The following ARHGAP24 variants were observed in gnomAD, a reference collection of about 807,000 sequenced individuals.
ARHGAP24 encodes rho GTPase-activating protein 24.
In ARHGAP24, 50 loss-of-function variants were observed where a neutral mutation model predicts 76.4. That is an observed-to-expected ratio of 0.65 (90% CI 0.52 to 0.83). The LOEUF (loss-of-function observed/expected upper bound fraction) is 0.83, where lower values mean the gene tolerates loss of function less well. ARHGAP24 is among the 40% of genes least tolerant of loss of function. The pLI, the probability that ARHGAP24 is intolerant of heterozygous loss-of-function variation, is 0.00. For missense variants in ARHGAP24, 930 were observed against 914.2 expected, an observed-to-expected ratio of 1.02 and a Z score of -0.22; for synonymous variants, 345 against 323.3, an observed-to-expected ratio of 1.07 and a Z score of -0.72.
chr4:85,650,997 G>A (rs1452925191), intron 2 of ARHGAP24, among the ~76,000 whole-genome samples: 1 of 149,402 alleles, frequency 6.7e-6, no homozygotes, highest in African/African-American at 2.6e-5. Context: ...GTTTAGATTG[G>A]GTGACTATGG....
intron 3 of ARHGAP24, among the ~76,000 whole-genome samples, chr4:85,915,089 A>G (rs1735304405): frequency 6.6e-6 from 1 of 152,208 alleles, no homozygotes; most frequent in South Asian, 2.1e-4. Context: ...ACTGTGAAGG[A>G]AGTAACTAGA....
intron 1 of ARHGAP24, among the ~76,000 whole-genome samples, chr4:85,490,510 C>T (rs909954018): frequency 1.3e-5 from 2 of 152,166 alleles, no homozygotes; most frequent in African/African-American, 4.8e-5. Context: ...TTACAATTCT[C>T]TTTAGAATTC....
intron 3 of ARHGAP24, among the ~76,000 whole-genome samples, chr4:85,848,059 C>G (rs960258759): frequency 3.3e-5 from 5 of 152,138 alleles, no homozygotes; most frequent in African/African-American, 1.2e-4. Context: ...CCTTTCACCA[C>G]ACAATCTATA....
intron 2 of ARHGAP24, among the ~76,000 whole-genome samples, chr4:85,714,150 A>G (rs1337161508): frequency 6.6e-6 from 1 of 152,186 alleles, no homozygotes; most frequent in East Asian, 1.9e-4. Context: ...GCTCCCAAGA[A>G]GAATGCTCAT....
intron 1 of ARHGAP24, among the ~76,000 whole-genome samples, chr4:85,521,088 C>T (rs1245391258): frequency 6.6e-6 from 1 of 152,078 alleles, no homozygotes; most frequent in Non-Finnish European, 1.5e-5. Context: ...CAGAGTAGCT[C>T]ATGTAAGTCA....
chr4:85,927,716 ATG>A (rs1192375110), intron 4 of ARHGAP24, among the ~76,000 whole-genome samples: 1 of 152,220 alleles, frequency 6.6e-6, no homozygotes, highest in Admixed American at 6.5e-5. Flanking sequence ...TATGTTTTAA[ATG>A]TATCTGTTAC....
chr4:85,558,663 A>G (rs533545133), intron 1 of ARHGAP24, among the ~76,000 whole-genome samples: 1 of 152,332 alleles, frequency 6.6e-6, no homozygotes, highest in East Asian at 1.9e-4. Context: ...GATTAGCACA[A>G]GATTTATATA....
At chr4:85,595,649 C>T (rs1719798702) in intron 2 of ARHGAP24, among the ~76,000 whole-genome samples, 1 of 151,862 alleles carries the variant, frequency 6.6e-6, no homozygotes, top group South Asian at 2.1e-4. Context: ...ACAAATAAGA[C>T]TTATGAAACA....
intron 3 of ARHGAP24, among the ~76,000 whole-genome samples, chr4:85,867,597 G>C (rs1732266859): frequency 6.6e-6 from 1 of 151,604 alleles, no homozygotes; most frequent in Non-Finnish European, 1.5e-5. Context: ...TCATAAAGTA[G>C]TCAATGATTC....
intron 1 of ARHGAP24, among the ~76,000 whole-genome samples, chr4:85,544,678 G>GTA (rs914977096): frequency 2.7e-4 from 41 of 151,250 alleles, no homozygotes; most frequent in Middle Eastern, 6.8e-3. Flanking sequence ...ATACATATAT[G>GTA]TATATATATA....
intron 3 of ARHGAP24, among the ~76,000 whole-genome samples, chr4:85,762,274 A>G (rs1468136311): frequency 6.6e-6 from 1 of 152,204 alleles, no homozygotes; most frequent in East Asian, 1.9e-4. Flanking sequence ...AAAAACCTGT[A>G]GCATGCTACA....
chr4:85,971,165 T>A (rs1260277435), intron 5 of ARHGAP24, among the ~76,000 whole-genome samples: 2 of 152,202 alleles, frequency 1.3e-5, no homozygotes, highest in African/African-American at 2.4e-5. Context: ...ATTTTCAAAA[T>A]GAGCTCTGTT....
At chr4:85,516,918 G>A (rs570908636) in intron 1 of ARHGAP24, among the ~76,000 whole-genome samples, 3 of 152,082 alleles carry the variant, frequency 2.0e-5, no homozygotes, top group East Asian at 3.9e-4. Context: ...TTTAAATTTA[G>A]ATATATAATT....
At position 85,994,582 on chromosome 4, in the gene ARHGAP24, G is replaced by T; in HGVS notation, c.929-1G>T. 2 of 1,613,578 alleles carry T rather than the reference G, an allele frequency of 1.2e-6. No homozygotes were observed. Among genetic ancestry groups the T allele is most frequent in the East Asian group, 4.5e-5 (2 of 44,868 alleles). ...CTACTTTATGTTCTATGCAATTCTA[G>T]GCACTGTGGTGGTCCAGCAGTTGAT... On this transcript the variant is annotated splice_acceptor_variant, in intron 8 of 9. Transcript: ENST00000395184. LOFTEE classifies it high-confidence loss of function.
intron 3 of ARHGAP24, among the ~76,000 whole-genome samples, chr4:85,922,739 C>A (rs971759672): frequency 6.6e-6 from 1 of 152,082 alleles, no homozygotes; most frequent in African/African-American, 2.4e-5. Context: ...TGCCTCAAGA[C>A]CTGTTTCAAG....
chr4:85,495,401 A>G (rs111882035), intron 1 of ARHGAP24, among the ~76,000 whole-genome samples: 2,263 of 113,442 alleles, frequency 0.02, 38 homozygotes, highest in Middle Eastern at 0.038. Flanking sequence ...CCCAGGCTGG[A>G]GTGTAGTGGC....
chr4:85,756,868 T>C (rs1404114155), intron 3 of ARHGAP24, among the ~76,000 whole-genome samples: 3 of 152,186 alleles, frequency 2.0e-5, no homozygotes, highest in Admixed American at 2.0e-4. Context: ...AAGACTAGGA[T>C]AGTGGAAGCC....
In ARHGAP24 at chr4:85,693,450, G is replaced by A. The variant is rs182307252; in HGVS notation, c.181-28435G>A. Among the ~76,000 whole-genome samples, 7 of 152,312 alleles carry A rather than the reference G, an allele frequency of 4.6e-5. No homozygotes were observed. The East Asian group carries it at 1.3e-3, about 29-fold the overall frequency. ...TCTCACTGCCTCAGTCTCTGAGAGT[G>A]TGGGTTCCTCCCCGGCTCAAGTCTC... On this transcript the variant is annotated intron_variant, in intron 2 of 9. Transcript: ENST00000395184.
intron 3 of ARHGAP24, among the ~76,000 whole-genome samples, chr4:85,794,462 C>G (rs1287627958): frequency 1.3e-5 from 2 of 152,152 alleles, no homozygotes; most frequent in Admixed American, 6.6e-5. Flanking sequence ...ATCCTTTCAT[C>G]TTCAAAGTGT....
Sources: allele counts gnomAD v4.1 joint callset (sites outside exome capture counted in the v4.1 genomes callset), GRCh38; gene constraint gnomAD v4.1.1; transcripts MANE v1.5; gene names NCBI Gene and HGNC (gene_info 2026-07-23, HGNC 2026-07-21).